The following DENND2B variants were observed in gnomAD, a reference collection of about 807,000 sequenced individuals.
The protein encoded by DENND2B is DENN domain-containing protein 2B.
Under a neutral mutation model 116.0 loss-of-function variants are expected in DENND2B, and 32 were observed. That is an observed-to-expected ratio of 0.28 (90% CI 0.21 to 0.37). DENND2B has a LOEUF of 0.37. DENND2B is among the 10% of genes least tolerant of loss of function. The pLI, the probability that DENND2B is intolerant of heterozygous loss-of-function variation, is 1.00. For missense variants in DENND2B, 1,276 were observed against 1,477.7 expected, an observed-to-expected ratio of 0.86 and a Z score of 2.24; for synonymous variants, 588 against 583.9, an observed-to-expected ratio of 1.01 and a Z score of -0.10.
chr11:8,704,971 G>A (rs1311547363), intron 13 of DENND2B, among the ~76,000 whole-genome samples: 1 of 152,130 alleles, frequency 6.6e-6, no homozygotes, highest in Non-Finnish European at 1.5e-5. Context: ...CAACGTGCTG[G>A]GATTACAAGC....
intron 4 of DENND2B, among the ~76,000 whole-genome samples, chr11:8,725,037 A>G (rs1194406341): frequency 6.6e-6 from 1 of 152,244 alleles, no homozygotes; most frequent in African/African-American, 2.4e-5. Context: ...CTACTGTGCC[A>G]TAAGTAATAA....
intron 13 of DENND2B, among the ~76,000 whole-genome samples, chr11:8,703,903 TCA>T (rs540977206): frequency 2.6e-4 from 40 of 152,166 alleles, no homozygotes; most frequent in Non-Finnish European, 4.1e-4. Context: ...GAACGTGGAC[TCA>T]CAGAAAGAAG....
chr11:8,739,301 A>T (rs2049753492), intron 2 of DENND2B, among the ~76,000 whole-genome samples: 1 of 152,108 alleles, frequency 6.6e-6, no homozygotes, highest in Admixed American at 6.6e-5. Flanking sequence ...ACTAGGCACG[A>T]AAGCTACACA....
chr11:8,715,353 T>A (rs2044542977), intron 6 of DENND2B: 3 of 523,998 alleles, frequency 5.7e-6, no homozygotes, highest in Non-Finnish European at 1.0e-5. Flanking sequence ...CACTTACTAA[T>A]GGGGAACCTC....
At chr11:8,834,531 T>A (rs2062343131) in intron 4 of DENND2B, among the ~76,000 whole-genome samples, 1 of 152,230 alleles carries the variant, frequency 6.6e-6, no homozygotes, top group Non-Finnish European at 1.5e-5. Context: ...TTTCCCAGTG[T>A]GACACACAGT....
intron 1 of DENND2B, among the ~76,000 whole-genome samples, chr11:8,779,561 G>T (rs1172856053): frequency 1.4e-5 from 2 of 143,310 alleles, no homozygotes; most frequent in Non-Finnish European, 3.0e-5. Flanking sequence ...TGCCCAGGCT[G>T]CAGTACAATG....
At chr11:8,905,734 ATCAG>A (rs1456931047) in intron 1 of DENND2B, among the ~76,000 whole-genome samples, 3 of 152,136 alleles carry the variant, frequency 2.0e-5, no homozygotes, top group African/African-American at 4.8e-5. Context: ...ACTATGCATT[ATCAG>A]TCAAAATAGC....
chr11:8,808,140 G>A (rs558832757), intron 1 of DENND2B: 2 of 152,280 alleles, frequency 1.3e-5, no homozygotes, highest in East Asian at 1.9e-4. Flanking sequence ...ATGAGTTCCT[G>A]AAAGACCTGC....
intron 3 of DENND2B, among the ~76,000 whole-genome samples, chr11:8,847,641 T>C (rs946603823): frequency 1.1e-4 from 17 of 152,142 alleles, no homozygotes; most frequent in African/African-American, 3.9e-4. Flanking sequence ...CTCTCAATAT[T>C]TGTCATCAAA....
intron 2 of DENND2B, among the ~76,000 whole-genome samples, chr11:8,869,808 A>C (rs2063714770): frequency 6.6e-6 from 1 of 152,188 alleles, no homozygotes; most frequent in Non-Finnish European, 1.5e-5. Context: ...GCTCTTCTTG[A>C]GTTCTGGCCT....
chr11:8,790,858 T>G (rs1345149586), intron 1 of DENND2B, among the ~76,000 whole-genome samples: 1 of 152,208 alleles, frequency 6.6e-6, no homozygotes, highest in Non-Finnish European at 1.5e-5. Context: ...TCCTAAACTC[T>G]AACTTTTCTT....
At chr11:8,823,584 G>C (rs1467891965) in intron 4 of DENND2B, among the ~76,000 whole-genome samples, 2 of 152,076 alleles carry the variant, frequency 1.3e-5, no homozygotes, top group Non-Finnish European at 2.9e-5. Flanking sequence ...AGTGAGTGAG[G>C]CTCATGAGAT....
chr11:8,885,216 A>G (rs1431093173), intron 1 of DENND2B, among the ~76,000 whole-genome samples: 1 of 152,256 alleles, frequency 6.6e-6, no homozygotes, highest in Non-Finnish European at 1.5e-5. Context: ...CCTAGGCCTG[A>G]TCACAAACTA....
chr11:8,817,682 G>GGT (rs1394761392), intron 4 of DENND2B, among the ~76,000 whole-genome samples: 2 of 151,898 alleles, frequency 1.3e-5, no homozygotes, highest in Non-Finnish European at 2.9e-5. Flanking sequence ...TCCAGCCCTA[G>GGT]TTCACCTCCG....
intron 3 of DENND2B, among the ~76,000 whole-genome samples, chr11:8,853,224 G>A (rs903246605): frequency 1.3e-5 from 2 of 152,068 alleles, no homozygotes; most frequent in Admixed American, 6.6e-5. Context: ...TTAGCCGGGC[G>A]TGGTGGCACA....
At chr11:8,813,023 A>C (rs2061448164), upstream of DENND2B, among the ~76,000 whole-genome samples, 1 of 152,096 alleles carries the variant, frequency 6.6e-6, no homozygotes, top group Admixed American at 6.6e-5. Context: ...AGCTCAAGCA[A>C]TCCTCCCACC....
At chr11:8,734,215 T>G (rs1273895891) in intron 2 of DENND2B, among the ~76,000 whole-genome samples, 1 of 152,252 alleles carries the variant, frequency 6.6e-6, no homozygotes, top group East Asian at 1.9e-4. Flanking sequence ...ACTCACACTC[T>G]GAACATCCAG....
chr11:8,766,646 T>C (rs1015205784), intron 1 of DENND2B: 3 of 1,289,202 alleles, frequency 2.3e-6, no homozygotes, highest in African/African-American at 3.0e-5. Flanking sequence ...CCTTCTTTGT[T>C]CCCACGGGGT....
chr11:8,901,030 C>T (rs549136877), intron 1 of DENND2B, among the ~76,000 whole-genome samples: 21 of 150,942 alleles, frequency 1.4e-4, no homozygotes, highest in Admixed American at 2.6e-4. Flanking sequence ...GAATTACAGG[C>T]GTGAGCCACC....
Sources: gnomAD v4.1 joint callset for allele counts (sites outside exome capture counted in the v4.1 genomes callset) on GRCh38, gnomAD v4.1.1 for gene constraint, MANE v1.5 for transcripts, NCBI Gene and HGNC (gene_info 2026-07-23, HGNC 2026-07-21) for gene names.